The following SLC22A25 variants were observed in gnomAD, a reference collection of about 807,000 sequenced individuals.
SLC22A25 encodes the protein solute carrier family 22 member 25, also known as MGI:2442751, MGI:2385316, MGI:3042283, MGI:3645714, MGI:3605624, MGI:2442750.
SLC22A25 carries 44 observed loss-of-function variants against 45.9 expected under a neutral mutation model. The observed-to-expected ratio is 0.96, with a 90% CI of 0.75 to 1.23. The LOEUF (loss-of-function observed/expected upper bound fraction) is 1.23, where lower values mean the gene tolerates loss of function less well. SLC22A25 is among the 50% of genes most tolerant of loss of function. The pLI is 0.00. For missense variants in SLC22A25, 800 were observed against 666.4 expected, an observed-to-expected ratio of 1.20 and a Z score of -2.21; for synonymous variants, 283 against 238.6, an observed-to-expected ratio of 1.19 and a Z score of -1.72.
At chr11:63,219,847 G>A in intron 5 of SLC22A25, 1 of 1,115,186 alleles carries the variant, frequency 9.0e-7, no homozygotes. Flanking sequence ...CTGGGTTACT[G>A]GACTGTTGGA....
chr11:63,220,042 C>A (rs763385256), intron 5 of SLC22A25: 1 of 1,283,508 alleles, frequency 7.8e-7, no homozygotes, highest in South Asian at 1.2e-5. Flanking sequence ...AGAAGACATA[C>A]GGTAAGTTAG....
chr11:63,227,835 G>A (rs548016246), intron 5 of SLC22A25, among the ~76,000 whole-genome samples: 1 of 152,318 alleles, frequency 6.6e-6, no homozygotes, highest in Admixed American at 6.5e-5. Context: ...CACTGGGATG[G>A]GTGATTCACC....
chr11:63,204,473 G>A (rs368559666), intron 7 of SLC22A25, among the ~76,000 whole-genome samples: 23 of 152,162 alleles, frequency 1.5e-4, no homozygotes, highest in African/African-American at 4.8e-4. Context: ...TATTTACCAA[G>A]CAAATAGAAA....
intron 9 of SLC22A25, among the ~76,000 whole-genome samples, chr11:63,176,097 T>C (rs1345718647): frequency 6.6e-6 from 1 of 152,108 alleles, no homozygotes; most frequent in Non-Finnish European, 1.5e-5. Context: ...TTTATGCAAG[T>C]ACCATAGTGT....
chr11:63,219,607 G>A (rs1356834430), intron 5 of SLC22A25, among the ~76,000 whole-genome samples: 1 of 152,122 alleles, frequency 6.6e-6, no homozygotes, highest in Admixed American at 6.5e-5. Flanking sequence ...ACAGTTGAGT[G>A]TGTTATATCC....
intron 9 of SLC22A25, among the ~76,000 whole-genome samples, chr11:63,177,217 A>G (rs2088121925): frequency 6.6e-6 from 1 of 151,868 alleles, no homozygotes; most frequent in Non-Finnish European, 1.5e-5. Context: ...AATTTTTTAA[A>G]TTTTTAATGT....
chr11:63,193,952 T>C (rs1448936028), intron 7 of SLC22A25, among the ~76,000 whole-genome samples: 1 of 151,964 alleles, frequency 6.6e-6, no homozygotes, highest in Non-Finnish European at 1.5e-5. Context: ...GAATAAACAG[T>C]GTAGAGAAAA....
chr11:63,200,175 C>G (rs542839900), intron 7 of SLC22A25, among the ~76,000 whole-genome samples: 1 of 151,646 alleles, frequency 6.6e-6, no homozygotes, highest in Non-Finnish European at 1.5e-5. Context: ...ATCATCCTGA[C>G]GCCAAAACCT....
intron 7 of SLC22A25, among the ~76,000 whole-genome samples, chr11:63,211,978 A>C (rs1383024240): frequency 2.8e-5 from 4 of 141,956 alleles, no homozygotes; most frequent in Non-Finnish European, 6.6e-5. Flanking sequence ...CAAGAAAAAA[A>C]CAAACAACCC....
At chr11:63,168,778 C>A (rs926948212) in intron 9 of SLC22A25, among the ~76,000 whole-genome samples, 6 of 152,066 alleles carry the variant, frequency 3.9e-5, no homozygotes, top group African/African-American at 1.4e-4. Context: ...CCCAACCTAG[C>A]AAGACAGGCC....
rs1251044091 is a variant in SLC22A25 at position 63,162,334 on chromosome 11, C to A, written c.*1490G>T. Among the ~76,000 whole-genome samples the A allele has an allele frequency of 6.6e-6, 1 of 152,160 alleles. No individual in the cohort carries two copies. Among genetic ancestry groups the A allele is most frequent in the Non-Finnish European group, 1.5e-5 (1 of 68,030 alleles). ...ACTTGTGGGGTATTACTCAAGAAAT[C>A]TTTGGCCAGTCTAATGTACTGGAAA... On this transcript the variant is annotated 3_prime_UTR_variant, in exon 12 of 12. Coordinates refer to ENST00000306494, the MANE Select transcript of SLC22A25 (RefSeq NM_199352.6).
At chr11:63,222,647 C>T (rs2089877860) in intron 5 of SLC22A25, among the ~76,000 whole-genome samples, 1 of 151,936 alleles carries the variant, frequency 6.6e-6, no homozygotes, top group Non-Finnish European at 1.5e-5. Context: ...GTTAGGACTT[C>T]CTGTACTATT....
chr11:63,205,543 A>G (rs956196828), intron 7 of SLC22A25, among the ~76,000 whole-genome samples: 6 of 152,244 alleles, frequency 3.9e-5, no homozygotes, highest in Admixed American at 6.5e-5. Flanking sequence ...CAAATGAAGT[A>G]GAAAATCTAG....
rs573204523 is a variant in SLC22A25 at position 63,202,250 on chromosome 11, G to GT, written c.830+15063dup. On this transcript the variant is annotated intron_variant, in intron 7 of 11. Coordinates refer to ENST00000306494, the MANE Select transcript of SLC22A25 (RefSeq NM_199352.6). ...GGCAGACACTGAGCTAGCTGCAGGA[G>GT]TTTTTTTTTTTTTAATACCCCAGTG... Among the ~76,000 whole-genome samples the GT allele has an allele frequency of 9.4e-3, 1,373 of 145,450 alleles. 10 individuals carry two copies. Among genetic ancestry groups the GT allele is most frequent in the African/African-American group, 0.026 (1,041 of 40,070 alleles).
intron 7 of SLC22A25, among the ~76,000 whole-genome samples, chr11:63,202,881 G>T (rs2089290440): frequency 6.6e-6 from 1 of 152,200 alleles, no homozygotes; most frequent in African/African-American, 2.4e-5. Context: ...CCCAGCAGGG[G>T]TTGACAGACA....
chr11:63,231,000 AT>A (rs1302531712), intron 3 of SLC22A25, among the ~76,000 whole-genome samples: 1 of 152,190 alleles, frequency 6.6e-6, no homozygotes, highest in Non-Finnish European at 1.5e-5. Flanking sequence ...TTATGGCTGT[AT>A]AGTATTCCAT....
intron 5 of SLC22A25, among the ~76,000 whole-genome samples, chr11:63,224,238 A>G (rs1255164971): frequency 6.6e-6 from 1 of 152,012 alleles, no homozygotes; most frequent in Non-Finnish European, 1.5e-5. Flanking sequence ...ATTTTGTCTC[A>G]TATAAGCGTA....
chr11:63,217,731 C>A lies in SLC22A25; in HGVS notation c.511G>T (p.Gly171Trp). ...NLYGHLSDRFGRKFVLRWSYL... is the reference protein window; with the variant it reads ...NLYGHLSDRFWRKFVLRWSYL... Reference sequence around the variant, plus strand: ...GACCATCTGAGCACGAACTTTCTCCCAAACCTGAGAAACAGGGGCACATTA... The same window carrying A: ...GACCATCTGAGCACGAACTTTCTCCAAAACCTGAGAAACAGGGGCACATTA... The change falls in exon 6 of 12, where the codon GGG becomes TGG. Residue 171 changes from glycine (G) to tryptophan (W), a missense_variant. Physicochemically the swap from Gly to Trp is radical, Grantham distance 184. Transcript: ENST00000306494. 1 of 1,602,348 alleles carries A rather than the reference C, an allele frequency of 6.2e-7. No individual in the cohort carries two copies.
chr11:63,233,168 TC>T (rs1381849826), intron 3 of SLC22A25, among the ~76,000 whole-genome samples: 1 of 152,192 alleles, frequency 6.6e-6, no homozygotes, highest in Non-Finnish European at 1.5e-5. Flanking sequence ...TAGGGAGGAT[TC>T]CCTCTTTTTC....
Sources: gnomAD v4.1 joint callset for allele counts (sites outside exome capture counted in the v4.1 genomes callset) on GRCh38, gnomAD v4.1.1 for gene constraint, MANE v1.5 for transcripts, NCBI Gene and HGNC (gene_info 2026-07-23, HGNC 2026-07-21) for gene names.